Variants in IDH3G observed in about 807,000 individuals in gnomAD.
IDH3G encodes the protein isocitrate dehydrogenase [NAD] subunit gamma, mitochondrial.
In IDH3G, 9 loss-of-function variants were observed where a neutral mutation model predicts 26.9. The ratio of observed to expected loss-of-function variants is 0.34; its 90% confidence interval spans 0.20 to 0.58. The LOEUF is 0.58. Among genes scored for constraint, IDH3G ranks in the 20% least tolerant of loss-of-function variants. The probability of loss-of-function intolerance (pLI) is 0.85; values close to 1 mark genes in which losing one functional copy is unlikely to be tolerated. For missense variants in IDH3G, 250 were observed against 372.8 expected, an observed-to-expected ratio of 0.67 and a Z score of 2.71; for synonymous variants, 181 against 160.0, an observed-to-expected ratio of 1.13 and a Z score of -0.99.
At chrX:153,792,722 A>G (rs1557070785) in intron 1 of IDH3G, among the ~76,000 whole-genome samples, 1 of 112,514 alleles carries the variant, frequency 8.9e-6, no homozygotes, top group Non-Finnish European at 1.9e-5. Context: ...GGCTTTGGCA[A>G]AAGACCCAGA....
chrX:153,790,957 G>A (rs187435108), intron 1 of IDH3G, 106 bp from the exon 2 acceptor site: 1 of 690,630 alleles, frequency 1.4e-6, no homozygotes, highest in East Asian at 3.3e-5. Flanking sequence ...TCCCCTGTCT[G>A]TGCAGCATGG....
At chrX:153,790,131 T>C (rs1016941020) in intron 4 of IDH3G, 64 bp downstream of exon 4, 44 of 965,108 alleles carry the variant, frequency 4.6e-5, no homozygotes, top group Middle Eastern at 2.6e-4. Flanking sequence ...GCAATGCCCC[T>C]CTTGGCACAA....
rs2092106733 is a variant in IDH3G, at chrX:153,790,793, C to T, written c.123+17G>A. The T allele has an allele frequency of 8.3e-7, 1 of 1,207,361 alleles. No individual in the cohort carries two copies. The highest frequency in any genetic ancestry group is 2.2e-5 in the Admixed American group (1 of 46,023). The stretch of plus-strand genomic sequence containing the variant: ...ACATGGAGAAAGACACATGCGTGGG[C>T]ACGGGCAGGTACTTACTGAAAAGAT... On this transcript the variant is annotated intron_variant, in intron 2 of 12. Transcript: ENST00000217901.
At chrX:153,790,948 C>G in intron 1 of IDH3G, 97 bp from the exon 2 acceptor site, 1 of 788,395 alleles carries the variant, frequency 1.3e-6, no homozygotes, top group Non-Finnish European at 1.9e-6. Flanking sequence ...CCAGGCAGGT[C>G]CCCTGTCTGT....
Position 153,787,610 on chromosome X carries a change from T to C in IDH3G, c.541-13A>G. ...CTCCCGCCACACTCTGAGGAGGGCA[T>C]GGGGAGAAGAGACCCATGTGCTACT... is the stretch of plus-strand genomic sequence containing the variant. On this transcript the variant is annotated splice_polypyrimidine_tract_variant and intron_variant, in intron 7 of 12. Coordinates refer to ENST00000217901, the MANE Select transcript of IDH3G (RefSeq NM_004135.4). The C allele has an allele frequency of 1.7e-6, 2 of 1,208,949 alleles. No individual in the cohort carries two copies. The highest frequency in any genetic ancestry group is 2.2e-6 in the Non-Finnish European group (2 of 894,173).
intron 5 of IDH3G, chrX:153,789,208 CAG>C (rs1485925698): frequency 2.9e-6 from 1 of 341,409 alleles, no homozygotes; most frequent in Non-Finnish European, 5.9e-6. Flanking sequence ...GCCCTGAAAT[CAG>C]AGCCGTGGGG....
intron 5 of IDH3G, chrX:153,789,344 G>A (rs1253574668): frequency 3.6e-6 from 1 of 278,150 alleles, no homozygotes; most frequent in African/African-American, 2.8e-5. Context: ...AGGAGTTCAA[G>A]ACCAGCCTGG....
Position 153,787,262 on chromosome X carries a change from C to T in IDH3G, c.675-109G>A, listed in dbSNP as rs1603255234. Reference sequence around the variant, plus strand: ...GGCTGGGGTCTGAATTCTAACCTGTCCCTCACCAGCAAAATGGACAGAATC... The same window carrying T: ...GGCTGGGGTCTGAATTCTAACCTGTTCCTCACCAGCAAAATGGACAGAATC... On this transcript the variant is annotated intron_variant, in intron 8 of 12. Transcript: ENST00000217901. 4 of 745,163 alleles carry T rather than the reference C, an allele frequency of 5.4e-6. No individual in the cohort carries two copies. In the African/African-American group the frequency reaches 8.4e-5, roughly 16 times the overall value. The allele number at this position is 745,163 out of a possible 1,213,427, so 61.4% of individuals were successfully genotyped here.
rs782277391 is a variant in IDH3G at position 153,794,363 on chromosome X, A to T, written c.-37T>A. The T allele has an allele frequency of 8.5e-7, 1 of 1,174,745 alleles. No homozygotes were observed. Among genetic ancestry groups the T allele is most frequent in the African/African-American group, 1.8e-5 (1 of 57,090 alleles). ...AGAGCCTCCGCACGTCCCGACACGC[A>T]GATACCGCTCTCGCGAGAGTTCGAC... On this transcript the variant is annotated 5_prime_UTR_variant, in exon 1 of 13. Coordinates refer to ENST00000217901, the MANE Select transcript of IDH3G (RefSeq NM_004135.4).
rs1471968385 is a variant in IDH3G at position 153,789,829 on chromosome X, G to A, written c.234-5C>T. The A allele has an allele frequency of 8.8e-7, 1 of 1,138,871 alleles. No homozygotes were observed. The highest frequency in any genetic ancestry group is 1.2e-6 in the Non-Finnish European group (1 of 836,021). The allele number at this position is 1,138,871 out of a possible 1,213,427, so 93.9% of individuals were successfully genotyped here. A position where few individuals can be genotyped will look rare whatever the true frequency, so the allele number is the denominator to read the frequency against. On this transcript the variant is annotated splice_polypyrimidine_tract_variant and splice_region_variant and intron_variant, in intron 4 of 12. Transcript: ENST00000217901. Reference sequence around the variant, plus strand: ...TCCACTGGTACACATGCGTGCCTGAGGCACGGCAGGGTCAGGGAGGCTGGC... The same window carrying A: ...TCCACTGGTACACATGCGTGCCTGAAGCACGGCAGGGTCAGGGAGGCTGGC...
At chrX:153,788,470 G>A (rs2092097582) in intron 5 of IDH3G, among the ~76,000 whole-genome samples, 1 of 112,954 alleles carries the variant, frequency 8.9e-6, no homozygotes, top group African/African-American at 3.2e-5. Context: ...TAACAGGTTG[G>A]CCGGCCAGGC....
rs1557070348 is a variant in IDH3G at position 153,790,844 on chromosome X, C to T, written c.89G>A (p.Gly30Asp). Reference sequence around the variant, plus strand: ...GTTCCTCGAGGGGACCTCGTGGGCGCCTAGAACCTGGCAGAGACCAAATGC... The same window carrying T: ...GTTCCTCGAGGGGACCTCGTGGGCGTCTAGAACCTGGCAGAGACCAAATGC... The part of the protein sequence containing the change: ...ALLCRPWEVL[G>D]AHEVPSRNIF... Residue 30 changes from glycine to aspartate, a missense_variant, in exon 2 of 13, where the codon GGC becomes GAC. Transcript: ENST00000217901. 2 of 1,206,259 alleles carry T rather than the reference C, an allele frequency of 1.7e-6. No individual in the cohort carries two copies. Among genetic ancestry groups the T allele is most frequent in the African/African-American group, 3.6e-5 (2 of 55,755 alleles).
Position 153,790,107 on chromosome X carries a change from G to A in IDH3G, c.233+88C>T, listed in dbSNP as rs782202294. On this transcript the variant is annotated intron_variant, in intron 4 of 12. Coordinates refer to ENST00000217901, the MANE Select transcript of IDH3G (RefSeq NM_004135.4). ...CAGGTCGTCTTGCCATGGCCTCACCGAGTGCTTCTGGGCGCAATGCCCCTC... is the reference window on the plus strand; with the variant it reads ...CAGGTCGTCTTGCCATGGCCTCACCAAGTGCTTCTGGGCGCAATGCCCCTC... The A allele has an allele frequency of 5.5e-5, 42 of 762,178 alleles. No homozygotes were observed. In the Middle Eastern group the frequency reaches 8.7e-4, roughly 16 times the overall value. 62.8% of individuals were successfully genotyped at this position (762,178 alleles called of 1,213,427 possible). A position where few individuals can be genotyped will look rare whatever the true frequency, so the allele number is the denominator to read the frequency against.
chrX:153,788,770 C>T (rs1441004228), intron 5 of IDH3G, among the ~76,000 whole-genome samples: 2 of 113,027 alleles, frequency 1.8e-5, no homozygotes, highest in Non-Finnish European at 3.8e-5. Flanking sequence ...ACTTGACTGC[C>T]AGGGCCTGGG....
At chrX:153,789,936 T>C in intron 4 of IDH3G, 112 bp from the exon 5 acceptor site, 1 of 540,775 alleles carries the variant, frequency 1.8e-6, no homozygotes, top group Non-Finnish European at 3.1e-6. Context: ...TGGCTCTGAC[T>C]GAGAAGGGAC....
At position 153,786,464 on chromosome X, in the gene IDH3G, CGAA is replaced by C; in HGVS notation, c.925-18_925-16del. The C allele has an allele frequency of 8.8e-7, 1 of 1,134,514 alleles. No homozygotes were observed. The highest frequency in any genetic ancestry group is 1.9e-5 in the South Asian group (1 of 51,840). The allele number at this position is 1,134,514 out of a possible 1,213,427, so 93.5% of individuals were successfully genotyped here. On this transcript the variant is annotated splice_polypyrimidine_tract_variant and intron_variant, in intron 10 of 12. Coordinates refer to ENST00000217901, the MANE Select transcript of IDH3G (RefSeq NM_004135.4). ...TTCCTCGTAGCCTGGGGAGGCAAGACGAAGGAGAGTGGGTGGAGGGCAGAAGGA... is the reference window on the plus strand; with the variant it reads ...TTCCTCGTAGCCTGGGGAGGCAAGACGGAGAGTGGGTGGAGGGCAGAAGGA...
At chrX:153,791,215 G>A (rs1203837880) in intron 1 of IDH3G, 1 of 217,557 alleles carries the variant, frequency 4.6e-6, no homozygotes, top group Non-Finnish European at 8.3e-6. Context: ...TGGTACAGCA[G>A]GGAAATCATT....
intron 5 of IDH3G, among the ~76,000 whole-genome samples, chrX:153,788,350 T>C (rs948187789): frequency 1.2e-4 from 14 of 112,762 alleles, no homozygotes; most frequent in African/African-American, 4.5e-4. Flanking sequence ...GAATAACCCC[T>C]GAACGACGGA....
chrX:153,790,336 A>G (rs1336626229), intron 3 of IDH3G, 44 bp from the exon 4 acceptor site: 1 of 1,083,095 alleles, frequency 9.2e-7, no homozygotes, highest in East Asian at 3.0e-5. Flanking sequence ...GGGATCCCAC[A>G]TGCCCCCAGC....
Sources: gnomAD v4.1 joint callset for allele counts (sites outside exome capture counted in the v4.1 genomes callset) on GRCh38, gnomAD v4.1.1 for gene constraint, MANE v1.5 for transcripts, NCBI Gene and HGNC (gene_info 2026-07-23, HGNC 2026-07-21) for gene names.